The following KIAA1958 variants were observed in gnomAD, a reference collection of about 807,000 sequenced individuals.
The protein encoded by KIAA1958 is uncharacterized protein KIAA1958.
Under a neutral mutation model 47.2 loss-of-function variants are expected in KIAA1958, and 14 were observed. That is an observed-to-expected ratio of 0.30 (90% CI 0.20 to 0.46). KIAA1958 has a LOEUF of 0.46. Among genes scored for constraint, KIAA1958 ranks in the 20% least tolerant of loss-of-function variants. KIAA1958 has a pLI of 1.00. For missense variants in KIAA1958, 803 were observed against 909.2 expected, an observed-to-expected ratio of 0.88 and a Z score of 1.50; for synonymous variants, 354 against 353.3, an observed-to-expected ratio of 1.00 and a Z score of -0.02.
intron 3 of KIAA1958, among the ~76,000 whole-genome samples, chr9:112,659,019 C>CAAAAAAAAAAAAAAA (rs560013892): frequency 1.7e-4 from 10 of 57,768 alleles, no homozygotes; most frequent in Non-Finnish European, 2.7e-4. Context: ...GACTCTGACT[C>CAAAAAAAAAAAAAAA]AAAAAAAAAA....
chr9:112,635,217 TGTG>T (rs1564197245), intron 2 of KIAA1958, among the ~76,000 whole-genome samples: 251 of 9,886 alleles, frequency 0.025, 4 homozygotes, highest in Non-Finnish European at 0.14. Context: ...CTTTATTTTG[TGTG>T]TGTGTGTGTG....
rs367932637 is a variant in KIAA1958, at chr9:112,607,749, C to CAAAAAAA, written c.1171+32509_1171+32515dup. ...AAGATAATCATTTAGATATCCAAGA[C>CAAAAAAA]AAAAAAAAAAAAAAAAAGGCAAAGG... On this transcript the variant is annotated intron_variant, in intron 2 of 3. Coordinates refer to ENST00000337530, the MANE Select transcript of KIAA1958 (RefSeq NM_133465.4). 2.1e-4 allele frequency among the ~76,000 whole-genome samples: 25 copies of CAAAAAAA among 118,800 alleles called. 4 individuals are homozygous for CAAAAAAA. The highest frequency in any genetic ancestry group is 2.6e-4 in the African/African-American group (8 of 31,260). 77.9% of individuals were successfully genotyped at this position (118,800 alleles called of 152,430 possible). A position where few individuals can be genotyped will look rare whatever the true frequency, so the allele number is the denominator to read the frequency against.
At chr9:112,652,751 A>G (rs1338208716) in intron 3 of KIAA1958, among the ~76,000 whole-genome samples, 5 of 152,140 alleles carry the variant, frequency 3.3e-5, no homozygotes, top group Non-Finnish European at 5.9e-5. Context: ...TTCTGAGAGT[A>G]GCTGGGACTA....
At chr9:112,642,332 A>C (rs1208291632) in intron 2 of KIAA1958, among the ~76,000 whole-genome samples, 1 of 152,234 alleles carries the variant, frequency 6.6e-6, no homozygotes, top group Non-Finnish European at 1.5e-5. Flanking sequence ...GATAGACACT[A>C]GGAAGGTGTT....
chr9:112,543,847 C>T lies in KIAA1958; in HGVS notation c.-24-30210C>T, dbSNP rs118004549. On this transcript the variant is annotated intron_variant, in intron 1 of 3. Coordinates refer to ENST00000337530, the MANE Select transcript of KIAA1958 (RefSeq NM_133465.4). ...CTCGGCCTCCCACAGTTCTGAGCTTCTTAAAGTCAATACCCATGTCCAATT... is the reference window on the plus strand; with the variant it reads ...CTCGGCCTCCCACAGTTCTGAGCTTTTTAAAGTCAATACCCATGTCCAATT... 5.8e-4 allele frequency among the ~76,000 whole-genome samples: 88 copies of T among 152,232 alleles called. 1 individual carries two copies. In the East Asian group the frequency reaches 0.015, roughly 26 times the overall value.
chr9:112,598,178 G>C (rs903448617), intron 2 of KIAA1958, among the ~76,000 whole-genome samples: 1 of 152,178 alleles, frequency 6.6e-6, no homozygotes, highest in Non-Finnish European at 1.5e-5. Context: ...ATGGAGGCCA[G>C]GAGTGTATTC....
chr9:112,542,018 C>G (rs559028957), intron 1 of KIAA1958, among the ~76,000 whole-genome samples: 1 of 152,044 alleles, frequency 6.6e-6, no homozygotes, highest in Non-Finnish European at 1.5e-5. Context: ...AAGGAACGTT[C>G]GTTTTGTTAA....
At chr9:112,560,325 C>T (rs569067252) in intron 1 of KIAA1958, among the ~76,000 whole-genome samples, 21 of 151,430 alleles carry the variant, frequency 1.4e-4, no homozygotes, top group Admixed American at 1.1e-3. Flanking sequence ...CTCAGCCTCT[C>T]GAGTAGCTAG....
chr9:112,647,377 C>T (rs773942591), intron 3 of KIAA1958, among the ~76,000 whole-genome samples: 2 of 152,078 alleles, frequency 1.3e-5, no homozygotes, highest in Non-Finnish European at 2.9e-5. Flanking sequence ...TGATAATACT[C>T]TTTTAAGGAA....
chr9:112,610,442 C>A (rs1836306877), intron 2 of KIAA1958, among the ~76,000 whole-genome samples: 1 of 151,554 alleles, frequency 6.6e-6, no homozygotes. Flanking sequence ...TGGTAGATAA[C>A]CAAAAGGGGT....
At chr9:112,597,629 A>C (rs1458142969) in intron 2 of KIAA1958, among the ~76,000 whole-genome samples, 1 of 152,148 alleles carries the variant, frequency 6.6e-6, no homozygotes, top group African/African-American at 2.4e-5. Flanking sequence ...TCTTGTTCCA[A>C]TCTCTAACTC....
At chr9:112,512,731 A>G (rs1834343711) in intron 1 of KIAA1958, among the ~76,000 whole-genome samples, 1 of 151,700 alleles carries the variant, frequency 6.6e-6, no homozygotes, top group Non-Finnish European at 1.5e-5. Context: ...AGGGGAGACA[A>G]GTTACTGGCA....
intron 1 of KIAA1958, among the ~76,000 whole-genome samples, chr9:112,512,656 C>T (rs1052597889): frequency 2.6e-5 from 4 of 151,296 alleles, no homozygotes; most frequent in East Asian, 1.9e-4. Context: ...ATAGACTGAA[C>T]GGGGGAGACA....
chr9:112,506,408 A>C (rs1473581597), intron 1 of KIAA1958, among the ~76,000 whole-genome samples: 2 of 152,202 alleles, frequency 1.3e-5, no homozygotes, highest in Non-Finnish European at 2.9e-5. Context: ...GTGAGCCGAG[A>C]TCACGCCACT....
intron 2 of KIAA1958, among the ~76,000 whole-genome samples, chr9:112,627,649 G>T (rs1366405311): frequency 6.6e-6 from 1 of 152,228 alleles, no homozygotes; most frequent in Non-Finnish European, 1.5e-5. Context: ...AGCTACTTGG[G>T]AGGCTGAGGC....
At chr9:112,530,568 C>T (rs1834736266) in intron 1 of KIAA1958, among the ~76,000 whole-genome samples, 2 of 152,146 alleles carry the variant, frequency 1.3e-5, no homozygotes, top group South Asian at 2.1e-4. Context: ...TATATAGCTA[C>T]TTCTCATAGG....
chr9:112,632,800 C>T lies in KIAA1958; in HGVS notation c.1172-12850C>T, dbSNP rs184163728. Among the ~76,000 whole-genome samples the T allele has an allele frequency of 1.8e-4, 28 of 151,770 alleles. No individual in the cohort carries two copies. In the East Asian group the frequency reaches 3.5e-3, roughly 19 times the overall value. ...CAGTGCAGGATTTTCCAAATTTTTT[C>T]GCATGTAATCATCTATATTTTATAC... On this transcript the variant is annotated intron_variant, in intron 2 of 3. Transcript: ENST00000337530.
At position 112,574,830 on chromosome 9, in the gene KIAA1958, T is replaced by A. The variant is rs749031226; in HGVS notation, c.750T>A (p.Ala250=). Residue 250 remains alanine (A), a synonymous_variant, in exon 2 of 4, where the codon GCT becomes GCA. Coordinates refer to ENST00000337530, the MANE Select transcript of KIAA1958 (RefSeq NM_133465.4). ...CTGGTCCCTCCTGTGTAGGGTCTGC[T>A]AAACTGATTCCCCATGTCACATCTG... The part of the protein sequence containing the change: ...THAGPSCVGS[A]KLIPHVTSAI... 6.2e-7 allele frequency: 1 copy of A among 1,614,170 alleles called. No individual in the cohort carries two copies. Among genetic ancestry groups the A allele is most frequent in the Non-Finnish European group, 8.5e-7 (1 of 1,180,010 alleles).
chr9:112,530,542 A>AT (rs368934798), intron 1 of KIAA1958, among the ~76,000 whole-genome samples: 2 of 152,126 alleles, frequency 1.3e-5, no homozygotes, highest in East Asian at 3.8e-4. Context: ...GATTGGTTTT[A>AT]TTTTTTGTAG....
Sources: gnomAD v4.1 joint callset for allele counts (sites outside exome capture counted in the v4.1 genomes callset) on GRCh38, gnomAD v4.1.1 for gene constraint, MANE v1.5 for transcripts, NCBI Gene and HGNC (gene_info 2026-07-23, HGNC 2026-07-21) for gene names.